The following ADGRE5 variants were observed in gnomAD, a reference collection of about 807,000 sequenced individuals.
ADGRE5 encodes the protein CD97 molecule.
In ADGRE5, 72 loss-of-function variants were observed where a neutral mutation model predicts 100.3. The ratio of observed to expected loss-of-function variants is 0.72; its 90% CI spans 0.59 to 0.87. The LOEUF (loss-of-function observed/expected upper bound fraction) is 0.87. Ranked by LOEUF, ADGRE5 falls within the 40% of genes least tolerant of loss-of-function variation. The pLI is 0.00. For synonymous variants in ADGRE5, 439 were observed against 447.8 expected (o/e 0.98, Z 0.25); for missense variants, 959 against 1,094.7 (o/e 0.88, Z 1.75).
intron 4 of ADGRE5, among the ~76,000 whole-genome samples, chr19:14,395,090 C>T (rs1975726547): frequency 6.6e-6 from 1 of 152,070 alleles, no homozygotes; most frequent in Admixed American, 6.6e-5. Flanking sequence ...CACTTGAGGT[C>T]GGGAATTCGA....
In ADGRE5 at chr19:14,390,995, A is replaced by G; in HGVS notation, c.262A>G (p.Ser88Gly). 1.2e-6 allele frequency: 2 copies of G among 1,614,152 alleles called. No homozygotes were observed. Among genetic ancestry groups the G allele is most frequent in the Non-Finnish European group, 1.7e-6 (2 of 1,180,040 alleles). The change falls in exon 4 of 20, where the codon AGC becomes GGC. Residue 88 changes from serine (S) to glycine (G), a missense_variant. This residue lies in a region of ADGRE5 where 114 missense variants were observed against 195.7 expected (regional missense o/e 0.58). Transcript: ENST00000242786. The stretch of plus-strand genomic sequence containing the variant: ...CTCGGACTGCTGGAACACAGAGGGG[A>G]GCTACGACTGCGTGTGCAGCCCGGG... ...KFSDCWNTEG[S>G]YDCVCSPGYE...
chr19:14,404,829 C>T lies in ADGRE5; in HGVS notation c.1629+267C>T, dbSNP rs1976157732. The T allele has an allele frequency of 3.6e-5, 16 of 449,996 alleles. No homozygotes were observed. In the South Asian group the frequency reaches 4.9e-4, roughly 14 times the overall value. The allele number at this position is 449,996 out of a possible 1,614,324, so 27.9% of individuals were successfully genotyped here. On this transcript the variant is annotated intron_variant, in intron 13 of 19. Coordinates refer to ENST00000242786, the MANE Select transcript of ADGRE5 (RefSeq NM_078481.4). ...AGTTGTGAGATGTCAACTAAAAGCTCCCCATGGAGAGCATTCCAAGGGGGC... is the reference window on the plus strand; with the variant it reads ...AGTTGTGAGATGTCAACTAAAAGCTTCCCATGGAGAGCATTCCAAGGGGGC...
chr19:14,406,211 A>T lies in ADGRE5; in HGVS notation c.1822-120A>T, dbSNP rs543167147. 1.2e-6 allele frequency: 1 copy of T among 841,108 alleles called. No individual in the cohort carries two copies. The highest frequency in any genetic ancestry group is 1.8e-6 in the Non-Finnish European group (1 of 556,054). The allele number at this position is 841,108 out of a possible 1,614,324, so 52.1% of individuals were successfully genotyped here. On this transcript the variant is annotated intron_variant, in intron 14 of 19. Transcript: ENST00000242786. This position sits in a 1 kb window ranked among gnomAD's most constrained non-coding sequence, Gnocchi z 6.0. Reference sequence around the variant, plus strand: ...GGGGGAAACCTGGCCCCCGCTCCAGACCCGCCCACCCTCCGGCTGTGGTCC... The same window carrying T: ...GGGGGAAACCTGGCCCCCGCTCCAGTCCCGCCCACCCTCCGGCTGTGGTCC...
At chr19:14,395,918 A>G (rs1287762260) in intron 4 of ADGRE5, among the ~76,000 whole-genome samples, 8 of 152,318 alleles carry the variant, frequency 5.3e-5, no homozygotes, top group African/African-American at 1.9e-4. Context: ...TAGGGCCACC[A>G]GGATGCTGAG....
chr19:14,398,371 T>G, intron 9 of ADGRE5: 1 of 550,406 alleles, frequency 1.8e-6, no homozygotes, highest in Non-Finnish European at 3.3e-6. Flanking sequence ...GTGCAGCACT[T>G]AAGAACCTGG....
chr19:14,406,614 G>A lies in ADGRE5; in HGVS notation c.2048+57G>A, dbSNP rs967871064. 5.1e-5 allele frequency: 82 copies of A among 1,601,830 alleles called. No homozygotes were observed. Among genetic ancestry groups the A allele is most frequent in the Non-Finnish European group, 6.3e-5 (74 of 1,169,552 alleles). On this transcript the variant is annotated intron_variant, in intron 15 of 19. Transcript: ENST00000242786. The surrounding 1 kb of genome is among the most constrained non-coding windows in gnomAD (Gnocchi z 6.0). ...CGGGGTGCTGGGCCTGGGGCTCACA[G>A]GCAGTGCCACACACAATGTCCGGCC...
chr19:14,385,813 C>T (rs986978165), intron 1 of ADGRE5, among the ~76,000 whole-genome samples: 5 of 150,670 alleles, frequency 3.3e-5, no homozygotes, highest in African/African-American at 1.2e-4. Flanking sequence ...CTCTGTCACT[C>T]AGGCTGGAGT....
Position 14,401,494 on chromosome 19 carries a change from G to A in ADGRE5, c.1006G>A (p.Asp336Asn), listed in dbSNP as rs775811992. The A allele has an allele frequency of 6.2e-7, 1 of 1,614,168 alleles. No individual in the cohort carries two copies. Among genetic ancestry groups the A allele is most frequent in the South Asian group, 1.1e-5 (1 of 91,084 alleles). The change falls in exon 10 of 20, where the codon GAT becomes AAT. Residue 336 changes from aspartate (D) to asparagine (N), a missense_variant. Physicochemically the swap from Asp to Asn is conservative, Grantham distance 23. Transcript: ENST00000242786. This position sits in a 1 kb window ranked among gnomAD's most constrained non-coding sequence, Gnocchi z 4.1. ...IATQLLSNLE[D>N]IMRILAKSLP... The stretch of plus-strand genomic sequence containing the variant: ...CACCCAGCTGCTCTCAAACCTTGAA[G>A]ATATCATGAGGATCCTGGCCAAGAG...
intron 1 of ADGRE5, among the ~76,000 whole-genome samples, chr19:14,385,592 C>T (rs1975318534): frequency 1.3e-5 from 2 of 152,242 alleles, no homozygotes; most frequent in Admixed American, 6.5e-5. Flanking sequence ...TGCACCCCAA[C>T]AGGCGGCTAC....
intron 12 of ADGRE5, among the ~76,000 whole-genome samples, chr19:14,403,223 G>A (rs1045040714): frequency 2.0e-5 from 3 of 152,032 alleles, no homozygotes; most frequent in South Asian, 2.1e-4. Context: ...TGTATTTTTA[G>A]TAGAGACGGG....
intron 1 of ADGRE5, among the ~76,000 whole-genome samples, chr19:14,384,827 G>A (rs534527209): frequency 4.7e-5 from 7 of 150,138 alleles, no homozygotes; most frequent in Admixed American, 1.3e-4. Context: ...CTATCTCTCC[G>A]TGTCTCTGTC....
At chr19:14,396,312 G>A (rs1200467056) in intron 4 of ADGRE5, 30 bp from the exon 5 acceptor site, 3 of 1,614,188 alleles carry the variant, frequency 1.9e-6, no homozygotes, top group Non-Finnish European at 2.5e-6. Flanking sequence ...ACAGCTACGG[G>A]CATCCTTCAC....
chr19:14,408,036 T>G (rs751670349), intron 19 of ADGRE5, 27 bp downstream of exon 19: 1 of 1,614,010 alleles, frequency 6.2e-7, no homozygotes, highest in Non-Finnish European at 8.5e-7. Flanking sequence ...GGGGCGGGTG[T>G]GGGCAGGAAG....
At chr19:14,395,240 G>A (rs1975732249) in intron 4 of ADGRE5, among the ~76,000 whole-genome samples, 1 of 151,606 alleles carries the variant, frequency 6.6e-6, no homozygotes, top group South Asian at 2.1e-4. Flanking sequence ...GGCAGAGGTC[G>A]CAGTGAGCTG....
At chr19:14,407,023 T>C (rs778383060) in intron 17 of ADGRE5, 38 bp from the exon 18 acceptor site, 1 of 1,613,326 alleles carries the variant, frequency 6.2e-7, no homozygotes, top group Non-Finnish European at 8.5e-7. Flanking sequence ...AAGCTGGAGG[T>C]GAGGTGGGGG....
chr19:14,407,047 C>T lies in ADGRE5; in HGVS notation c.2208-14C>T, dbSNP rs1343412441. ...GTGAGGTGGGGGCCCACGCTGCAAC[C>T]CCGCTCCTCGCAGGGCGCTGACCAT... On this transcript the variant is annotated splice_polypyrimidine_tract_variant and intron_variant, in intron 17 of 19. Coordinates refer to ENST00000242786, the MANE Select transcript of ADGRE5 (RefSeq NM_078481.4). 2 of 1,613,920 alleles carry T rather than the reference C, an allele frequency of 1.2e-6. No homozygotes were observed. The highest frequency in any genetic ancestry group is 1.1e-5 in the South Asian group (1 of 91,080).
rs1191883768 is a variant in ADGRE5, at chr19:14,381,506, C to A, written c.-18C>A. 5 of 1,610,232 alleles carry A rather than the reference C, an allele frequency of 3.1e-6. No individual in the cohort carries two copies. Among genetic ancestry groups the A allele is most frequent in the Non-Finnish European group, 4.2e-6 (5 of 1,178,324 alleles). ...CCACTCACTCTTTCCCCTGCCGCTC[C>A]TGCCGGCAGCTCCAACCATGGGAGG... On this transcript the variant is annotated 5_prime_UTR_variant, in exon 1 of 20. It adds an upstream start codon to the 5' untranslated region. Coordinates refer to ENST00000242786, the MANE Select transcript of ADGRE5 (RefSeq NM_078481.4).
At chr19:14,404,650 C>T in intron 13 of ADGRE5, 88 bp downstream of exon 13, 1 of 1,325,664 alleles carries the variant, frequency 7.5e-7, no homozygotes, top group South Asian at 1.3e-5. Context: ...TGGAGCCCTA[C>T]TGGTTGCTCA....
At position 14,401,711 on chromosome 19, in the gene ADGRE5, C is replaced by T. The variant is rs756516696; in HGVS notation, c.1134C>T (p.Ser378=). 21 of 1,583,288 alleles carry T rather than the reference C, an allele frequency of 1.3e-5. 1 individual carries two copies. Among genetic ancestry groups the T allele is most frequent in the Middle Eastern group, 3.4e-4 (2 of 5,926 alleles). The change falls in exon 11 of 20, where the codon AGC becomes AGT. Residue 378 remains serine, a synonymous_variant. Coordinates refer to ENST00000242786, the MANE Select transcript of ADGRE5 (RefSeq NM_078481.4). The surrounding 1 kb of genome is among the most constrained non-coding windows in gnomAD (Gnocchi z 4.1). ...GDKNVTMGQS[S]ARMKLNWAVA... ...AGAACGTCACTATGGGTCAGAGCAGCGCACGCATGAAGCTGAATTGGGCTG... is the reference window on the plus strand; with the variant it reads ...AGAACGTCACTATGGGTCAGAGCAGTGCACGCATGAAGCTGAATTGGGCTG...
Sources: allele counts gnomAD v4.1 joint callset (sites outside exome capture counted in the v4.1 genomes callset), GRCh38; gene constraint gnomAD v4.1.1; regional missense constraint gnomAD v4.1.1; non-coding constraint Gnocchi (gnomAD v3.1); transcripts MANE v1.5; gene names NCBI Gene and HGNC (gene_info 2026-07-23, HGNC 2026-07-21).